The following TMEM68 variants were observed in gnomAD, a reference collection of about 807,000 sequenced individuals.
TMEM68 encodes the protein DGAT1/2-independent enzyme synthesizing storage lipids.
Under a neutral mutation model 36.9 loss-of-function variants are expected in TMEM68, and 25 were observed. That is an observed-to-expected ratio of 0.68 (90% CI 0.49 to 0.95). The LOEUF (loss-of-function observed/expected upper bound fraction) is 0.95. Ranked by LOEUF, TMEM68 falls within the 40% of genes least tolerant of loss-of-function variation. TMEM68 has a pLI of 0.00. For missense variants in TMEM68, 333 were observed against 392.0 expected (o/e 0.85, Z 1.27); for synonymous variants, 131 against 124.4 (o/e 1.05, Z -0.35).
At position 55,762,986 on chromosome 8, in the gene TMEM68, C is replaced by A; in HGVS notation, c.-27G>T. On this transcript the variant is annotated 5_prime_UTR_variant, in exon 3 of 8. The change creates a premature stop within an existing upstream ORF in the 5' untranslated region. Coordinates refer to ENST00000434581, the MANE Select transcript of TMEM68 (RefSeq NM_001286657.2). The stretch of plus-strand genomic sequence containing the variant: ...TTTCTTCAGGTGAAAATGACAAATT[C>A]AGTTTCTTTCTTCATTGCCATAGCA... The A allele has an allele frequency of 6.4e-7, 1 of 1,555,090 alleles. No homozygotes were observed.
Position 55,756,796 on chromosome 8 carries a change from C to G in TMEM68, c.326-385G>C, listed in dbSNP as rs1347740612. ...GGGGGAAGAGAGGAGGCAAGGGTCA[C>G]GGAAGCTTGGGAGTCAGAGCCTGAG... On this transcript the variant is annotated intron_variant, in intron 3 of 7. Coordinates refer to ENST00000434581, the MANE Select transcript of TMEM68 (RefSeq NM_001286657.2). 2.0e-5 allele frequency among the ~76,000 whole-genome samples: 3 copies of G among 152,080 alleles called. No homozygotes were observed. In the South Asian group the frequency reaches 6.2e-4, roughly 32 times the overall value.
intron 7 of TMEM68, 131 bp from the exon 8 acceptor site, chr8:55,740,349 G>A: frequency 1.6e-6 from 1 of 637,114 alleles, no homozygotes; most frequent in Non-Finnish European, 2.6e-6. Flanking sequence ...CTTTTTTATA[G>A]AGATGGGGTT....
At chr8:55,764,246 A>G (rs1810897123) in intron 1 of TMEM68, among the ~76,000 whole-genome samples, 1 of 152,234 alleles carries the variant, frequency 6.6e-6, no homozygotes, top group Non-Finnish European at 1.5e-5. Context: ...AGTTTTCAAA[A>G]GCTTTGTTTC....
intron 1 of TMEM68, among the ~76,000 whole-genome samples, chr8:55,769,322 CAAAAAA>C (rs56065552): frequency 1.4e-5 from 1 of 71,602 alleles, no homozygotes; most frequent in Non-Finnish European, 2.4e-5. Context: ...AATCCCATCT[CAAAAAA>C]AAAAAAAAAA....
At chr8:55,756,216 T>C in intron 4 of TMEM68, 28 bp downstream of exon 4, 1 of 1,574,446 alleles carries the variant, frequency 6.4e-7, no homozygotes, top group Non-Finnish European at 8.6e-7. Flanking sequence ...AAAACATTTT[T>C]ACATTACTAT....
chr8:55,762,458 T>G, intron 3 of TMEM68, 177 bp downstream of exon 3: 1 of 1,274,832 alleles, frequency 7.8e-7, no homozygotes, highest in Non-Finnish European at 1.0e-6. Flanking sequence ...ATGGGAAAAC[T>G]CATTTTAAGA....
At chr8:55,764,676 G>A (rs1272728023) in intron 1 of TMEM68, among the ~76,000 whole-genome samples, 5 of 152,206 alleles carry the variant, frequency 3.3e-5, no homozygotes, top group African/African-American at 1.2e-4. Context: ...GCATTTACTT[G>A]TGAGAAATCT....
In TMEM68 at chr8:55,750,404, C is replaced by G. The variant is rs148223028; in HGVS notation, c.687+560G>C. ...TTCTGACAATCAGAATTAAAATAAA[C>G]AGAAAACGAAGCAGAAACTTTCCAT... is the stretch of plus-strand genomic sequence containing the variant. On this transcript the variant is annotated intron_variant, in intron 5 of 7. Coordinates refer to ENST00000434581, the MANE Select transcript of TMEM68 (RefSeq NM_001286657.2). Among the ~76,000 whole-genome samples the G allele has an allele frequency of 3.5e-3, 538 of 152,130 alleles. 1 individual carries two copies. Among genetic ancestry groups the G allele is most frequent in the African/African-American group, 0.01 (430 of 41,490 alleles).
At chr8:55,757,931 C>T (rs1252887418) in intron 3 of TMEM68, among the ~76,000 whole-genome samples, 1 of 152,078 alleles carries the variant, frequency 6.6e-6, no homozygotes, top group Non-Finnish European at 1.5e-5. Context: ...ATACAGAGCC[C>T]CATAAGATTT....
chr8:55,771,155 C>CAA (rs113484781), intron 1 of TMEM68, among the ~76,000 whole-genome samples: 19 of 126,468 alleles, frequency 1.5e-4, no homozygotes, highest in East Asian at 2.2e-4. Context: ...TCTCCGTCTC[C>CAA]AAAAAAAAAA....
intron 1 of TMEM68, among the ~76,000 whole-genome samples, chr8:55,768,484 G>A (rs1811045451): frequency 6.6e-6 from 1 of 152,038 alleles, no homozygotes; most frequent in South Asian, 2.1e-4. Context: ...GGAGACTGAG[G>A]CAAGAGGATC....
At chr8:55,767,383 G>A (rs971298149) in intron 1 of TMEM68, among the ~76,000 whole-genome samples, 3 of 152,064 alleles carry the variant, frequency 2.0e-5, no homozygotes, top group Admixed American at 6.5e-5. Context: ...AAAAATAAGA[G>A]TTGCAGGAAG....
At chr8:55,746,317 C>A (rs1458611187) in intron 5 of TMEM68, 12 of 57,196 alleles carry the variant, frequency 2.1e-4, no homozygotes, top group Admixed American at 6.4e-4. Context: ...CACTGTCTCC[C>A]AAAAAAAAAA....
intron 5 of TMEM68, 37 bp downstream of exon 5, chr8:55,750,927 T>G: frequency 6.4e-7 from 1 of 1,574,372 alleles, no homozygotes; most frequent in South Asian, 1.2e-5. Flanking sequence ...TAAATTTGAC[T>G]AAGCTTTACT....
intron 2 of TMEM68, among the ~76,000 whole-genome samples, 158 bp from the exon 3 acceptor site, chr8:55,763,186 G>T (rs1044951330): frequency 9.9e-5 from 15 of 152,082 alleles, no homozygotes; most frequent in African/African-American, 3.6e-4. Flanking sequence ...AAATTATAAG[G>T]TTTCATCTGT....
intron 6 of TMEM68, among the ~76,000 whole-genome samples, chr8:55,744,706 C>A (rs1244400106): frequency 1.3e-5 from 2 of 152,172 alleles, no homozygotes; most frequent in Non-Finnish European, 2.9e-5. Flanking sequence ...ATATTTTCAT[C>A]CATTTTTAAA....
chr8:55,746,957 G>A (rs1021288576), intron 5 of TMEM68: 7 of 152,218 alleles, frequency 4.6e-5, no homozygotes, highest in Non-Finnish European at 1.0e-4. Context: ...ACAGAGCAAA[G>A]AGACAATGCT....
chr8:55,743,686 C>G, intron 6 of TMEM68, 66 bp from the exon 7 acceptor site: 1 of 1,411,868 alleles, frequency 7.1e-7, no homozygotes, highest in Non-Finnish European at 9.4e-7. Context: ...TGTAAACTTT[C>G]AAATTAATTA....
rs564767331 is a variant in TMEM68, at chr8:55,752,804, G to A, written c.494-1647C>T. ...CAGGGGCACAATAGTAGCTCACTAC[G>A]GCCTTGCTCTACTGGGCTCAAGCGA... is the stretch of plus-strand genomic sequence containing the variant. On this transcript the variant is annotated intron_variant, in intron 4 of 7. Transcript: ENST00000434581. Among the ~76,000 whole-genome samples the A allele has an allele frequency of 4.0e-5, 6 of 149,702 alleles. No individual in the cohort carries two copies. In the South Asian group the frequency reaches 6.3e-4, roughly 16 times the overall value.
Sources: gnomAD v4.1 joint callset for allele counts (sites outside exome capture counted in the v4.1 genomes callset) on GRCh38, gnomAD v4.1.1 for gene constraint, MANE v1.5 for transcripts, NCBI Gene and HGNC (gene_info 2026-07-23, HGNC 2026-07-21) for gene names.